GRM8: variants seen among roughly 807,000 people sequenced by gnomAD.
The protein encoded by GRM8 is glutamate metabotropic receptor 8, also known as metabotropic glutamate receptor 8.
Under a neutral mutation model 87.2 loss-of-function variants are expected in GRM8, and 47 were observed. The observed-to-expected ratio is 0.54, with a 90% CI of 0.43 to 0.69. GRM8 has a LOEUF of 0.69. GRM8 is among the 30% of genes least tolerant of loss of function. The probability of loss-of-function intolerance (pLI) is 0.00; values close to 1 mark genes in which losing one functional copy is unlikely to be tolerated. For synonymous variants in GRM8, 396 were observed against 404.5 expected (o/e 0.98, Z 0.25); for missense variants, 1,019 against 1,139.2 (o/e 0.89, Z 1.52).
chr7:126,846,380 C>T (rs1796713265), intron 6 of GRM8, among the ~76,000 whole-genome samples: 1 of 152,222 alleles, frequency 6.6e-6, no homozygotes, highest in Admixed American at 6.5e-5. Context: ...ATCATTTCCT[C>T]CACAAAATAA....
chr7:126,507,592 G>C lies in GRM8; in HGVS notation c.2430+25360C>G, dbSNP rs187379048. On this transcript the variant is annotated intron_variant, in intron 9 of 10. Transcript: ENST00000339582. ...TGCAAAAAGTAGAGCTTTAATAATT[G>C]ATTCTTTACTGGTACTTTTTTCTGT... Among the ~76,000 whole-genome samples, 90 of 151,998 alleles carry C rather than the reference G, an allele frequency of 5.9e-4. 1 individual carries two copies. The South Asian group carries it at 7.5e-3, about 13-fold the overall frequency.
chr7:126,883,311 A>G (rs758392023), intron 6 of GRM8, among the ~76,000 whole-genome samples: 2 of 152,222 alleles, frequency 1.3e-5, no homozygotes, highest in Non-Finnish European at 2.9e-5. Context: ...GAAGAAGAAG[A>G]AATAGGCCTT....
At chr7:127,050,995 G>A (rs1819413942) in intron 3 of GRM8, among the ~76,000 whole-genome samples, 1 of 151,690 alleles carries the variant, frequency 6.6e-6, no homozygotes, top group Non-Finnish European at 1.5e-5. Flanking sequence ...TTCCAAGCTA[G>A]TAGATTTTTG....
chr7:126,564,627 G>A (rs1794035156), intron 8 of GRM8, among the ~76,000 whole-genome samples: 1 of 152,056 alleles, frequency 6.6e-6, no homozygotes, highest in Non-Finnish European at 1.5e-5. Flanking sequence ...GGACCAGATG[G>A]CTTAACTGCT....
intron 2 of GRM8, among the ~76,000 whole-genome samples, chr7:127,121,570 T>G (rs1289859774): frequency 3.3e-5 from 5 of 152,042 alleles, no homozygotes. Flanking sequence ...TAAGACTGAG[T>G]AATTTATGAA....
intron 7 of GRM8, among the ~76,000 whole-genome samples, chr7:126,708,470 C>T (rs564626323): frequency 5.2e-4 from 79 of 151,794 alleles, no homozygotes; most frequent in African/African-American, 1.9e-3. Flanking sequence ...GATATGGAAT[C>T]AGCCTAAGTG....
intron 2 of GRM8, among the ~76,000 whole-genome samples, chr7:127,205,572 A>C (rs746447598): frequency 5.9e-5 from 9 of 152,094 alleles, no homozygotes; most frequent in Non-Finnish European, 1.2e-4. Flanking sequence ...GGTCACTGAC[A>C]TAAGAGTCAG....
chr7:127,134,529 A>G (rs1428590322), intron 2 of GRM8, among the ~76,000 whole-genome samples: 3 of 152,232 alleles, frequency 2.0e-5, no homozygotes, highest in Non-Finnish European at 4.4e-5. Flanking sequence ...AGCATGAACT[A>G]AAACATTTTG....
At chr7:126,506,653 C>A (rs1201290105) in intron 9 of GRM8, among the ~76,000 whole-genome samples, 1 of 151,890 alleles carries the variant, frequency 6.6e-6, no homozygotes, top group Non-Finnish European at 1.5e-5. Context: ...GTGGTGCGCA[C>A]CTGTAACCCC....
At chr7:126,961,884 C>T (rs889627134) in intron 3 of GRM8, among the ~76,000 whole-genome samples, 1 of 152,156 alleles carries the variant, frequency 6.6e-6, no homozygotes, top group Non-Finnish European at 1.5e-5. Flanking sequence ...CTCAACTGTA[C>T]TGGTTCTAAG....
At chr7:126,551,602 C>T (rs1170367537) in intron 8 of GRM8, among the ~76,000 whole-genome samples, 4 of 152,106 alleles carry the variant, frequency 2.6e-5, no homozygotes, top group Non-Finnish European at 5.9e-5. Flanking sequence ...CAAATGGATT[C>T]ACCATTTGGC....
At chr7:126,881,422 A>G (rs1800012883) in intron 6 of GRM8, among the ~76,000 whole-genome samples, 1 of 152,206 alleles carries the variant, frequency 6.6e-6, no homozygotes. Context: ...TGAAGAAGAA[A>G]TATCCTGACC....
At chr7:127,155,095 AGTATAAGTAC>A (rs1792638570) in intron 2 of GRM8, among the ~76,000 whole-genome samples, 1 of 152,204 alleles carries the variant, frequency 6.6e-6, no homozygotes, top group South Asian at 2.1e-4. Flanking sequence ...CAGACTTGAA[AGTATAAGTAC>A]GTTCCAAGGA....
chr7:127,118,425 A>G (rs1314317034), intron 2 of GRM8, among the ~76,000 whole-genome samples: 1 of 152,192 alleles, frequency 6.6e-6, no homozygotes, highest in African/African-American at 2.4e-5. Context: ...CCCTAAACAA[A>G]TTGATTAGCC....
At chr7:127,225,298 C>T (rs1797250628) in intron 2 of GRM8, among the ~76,000 whole-genome samples, 1 of 152,196 alleles carries the variant, frequency 6.6e-6, no homozygotes, top group South Asian at 2.1e-4. Flanking sequence ...TGCCCTGGTG[C>T]TTATGGAAGG....
At chr7:126,809,628 C>A (rs910205517) in intron 6 of GRM8, among the ~76,000 whole-genome samples, 1 of 152,186 alleles carries the variant, frequency 6.6e-6, no homozygotes, top group Non-Finnish European at 1.5e-5. Flanking sequence ...GGGCCATCCA[C>A]AAAATTATTA....
At chr7:126,943,342 G>C (rs956547864) in intron 3 of GRM8, among the ~76,000 whole-genome samples, 2 of 152,184 alleles carry the variant, frequency 1.3e-5, no homozygotes, top group African/African-American at 4.8e-5. Flanking sequence ...AGCAGCCAGG[G>C]ACTGTGGGAC....
At chr7:126,556,337 TAAAAAAAAA>T (rs3038820) in intron 8 of GRM8, among the ~76,000 whole-genome samples, 156 of 111,336 alleles carry the variant, frequency 1.4e-3, no homozygotes, top group East Asian at 1.4e-3. Context: ...TTCTCCTCTT[TAAAAAAAAA>T]AAAAAAAAAA....
chr7:126,535,007 A>G (rs1156808680), intron 8 of GRM8, among the ~76,000 whole-genome samples: 1 of 152,144 alleles, frequency 6.6e-6, no homozygotes, highest in African/African-American at 2.4e-5. Context: ...AAGTACTGGG[A>G]TATGGAAATA....
Sources: gnomAD v4.1 joint callset for allele counts (sites outside exome capture counted in the v4.1 genomes callset) on GRCh38, gnomAD v4.1.1 for gene constraint, MANE v1.5 for transcripts, NCBI Gene and HGNC (gene_info 2026-07-23, HGNC 2026-07-21) for gene names.